Variants in NCOA2 observed in about 807,000 individuals in gnomAD.
NCOA2 encodes nuclear receptor coactivator 2.
In NCOA2, 21 loss-of-function variants were observed where a neutral mutation model predicts 145.1. The ratio of observed to expected loss-of-function variants is 0.14; its 90% CI spans 0.10 to 0.21. NCOA2 has a LOEUF of 0.21. Ranked by LOEUF, NCOA2 falls within the 10% of genes least tolerant of loss-of-function variation. The pLI, the probability that NCOA2 is intolerant of heterozygous loss-of-function variation, is 1.00. For missense variants in NCOA2, 1,472 were observed against 1,837.6 expected (o/e 0.80, Z 3.64); for synonymous variants, 619 against 637.5 (o/e 0.97, Z 0.44).
intron 2 of NCOA2, among the ~76,000 whole-genome samples, chr8:70,275,944 A>G (rs1825433839): frequency 6.6e-6 from 1 of 152,234 alleles, no homozygotes; most frequent in Admixed American, 6.5e-5. Context: ...AAAAATACTA[A>G]ACTTTGCAAA....
the NCOA2 span, among the ~76,000 whole-genome samples, chr8:70,441,454 A>C: frequency 6.6e-6 from 1 of 150,994 alleles, no homozygotes; most frequent in South Asian, 2.1e-4. Flanking sequence ...AGAAAAAAGA[A>C]AGAAAAGAAA....
chr8:70,203,004 C>T (rs1818053378), intron 4 of NCOA2, among the ~76,000 whole-genome samples: 1 of 152,058 alleles, frequency 6.6e-6, no homozygotes, highest in Non-Finnish European at 1.5e-5. Context: ...GTGGCTCATG[C>T]CTGTAATCCC....
At chr8:70,292,248 G>A (rs553066299) in intron 2 of NCOA2, among the ~76,000 whole-genome samples, 1 of 151,574 alleles carries the variant, frequency 6.6e-6, no homozygotes, top group East Asian at 2.0e-4. Flanking sequence ...CACCTCCTGG[G>A]TTCAAGCGAT....
chr8:70,230,292 G>T (rs1250836992), intron 2 of NCOA2, among the ~76,000 whole-genome samples: 1 of 152,182 alleles, frequency 6.6e-6, no homozygotes, highest in Non-Finnish European at 1.5e-5. Flanking sequence ...GAAACAGAAA[G>T]GAGATTGGTG....
Position 70,345,100 on chromosome 8 carries a change from T to TA in NCOA2, c.-76-48301dup, listed in dbSNP as rs545316352. 3.5e-4 allele frequency among the ~76,000 whole-genome samples: 53 copies of TA among 152,350 alleles called. No individual in the cohort carries two copies. The East Asian group carries it at 8.3e-3, about 24-fold the overall frequency. ...TGTATATTAACCACATCTGAAAAGT[T>TA]AAATTATCCTTCATACAACTCCAAA... is the stretch of plus-strand genomic sequence containing the variant. On this transcript the variant is annotated intron_variant, in intron 1 of 22. Transcript: ENST00000452400.
At chr8:70,269,039 G>T (rs931019212) in intron 2 of NCOA2, among the ~76,000 whole-genome samples, 1 of 152,030 alleles carries the variant, frequency 6.6e-6, no homozygotes, top group Admixed American at 6.5e-5. Context: ...AAAAGTGAAG[G>T]GGGGGAGGAC....
intron 2 of NCOA2, among the ~76,000 whole-genome samples, chr8:70,281,747 A>G (rs1825900366): frequency 6.6e-6 from 1 of 152,190 alleles, no homozygotes; most frequent in African/African-American, 2.4e-5. Context: ...AGAGCTGCTC[A>G]CAGTACCAGT....
At chr8:70,427,226 T>G in the NCOA2 span, among the ~76,000 whole-genome samples, 1 of 152,148 alleles carries the variant, frequency 6.6e-6, no homozygotes. Flanking sequence ...AATAATTTGG[T>G]TTTCAGGAGG....
chr8:70,244,259 T>C (rs1379135691), intron 2 of NCOA2, among the ~76,000 whole-genome samples: 1 of 152,136 alleles, frequency 6.6e-6, no homozygotes, highest in Non-Finnish European at 1.5e-5. Context: ...TCCGAATATA[T>C]GTTGTGTAAT....
intron 1 of NCOA2, among the ~76,000 whole-genome samples, chr8:70,364,392 T>C (rs1810487432): frequency 6.6e-6 from 1 of 152,168 alleles, no homozygotes; most frequent in African/African-American, 2.4e-5. Context: ...TAGTCAACTG[T>C]TTAATTTGAT....
At chr8:70,354,789 T>A (rs955562669) in intron 1 of NCOA2, among the ~76,000 whole-genome samples, 1 of 152,182 alleles carries the variant, frequency 6.6e-6, no homozygotes, top group East Asian at 1.9e-4. Flanking sequence ...ATAATAACAA[T>A]CTTGAAAAAA....
the NCOA2 span, among the ~76,000 whole-genome samples, chr8:70,440,465 T>C: frequency 6.6e-6 from 1 of 151,936 alleles, no homozygotes; most frequent in South Asian, 2.1e-4. Flanking sequence ...TCCCAGCTAC[T>C]CGGGAGGCTG....
chr8:70,317,511 A>G (rs1351176315), intron 1 of NCOA2, among the ~76,000 whole-genome samples: 2 of 152,216 alleles, frequency 1.3e-5, no homozygotes, highest in Admixed American at 6.5e-5. Context: ...ATAAAAAATG[A>G]GATCCTTAAT....
At position 70,334,582 on chromosome 8, in the gene NCOA2, T is replaced by C. The variant is rs553497849; in HGVS notation, c.-76-37782A>G. 2.6e-5 allele frequency among the ~76,000 whole-genome samples: 4 copies of C among 152,326 alleles called. No individual in the cohort carries two copies. The East Asian group carries it at 7.7e-4, about 29-fold the overall frequency. ...TTATACTGGTCCACGTTTCTTATCT[T>C]GCCTATTAGAGCATGAAATTCTAAG... On this transcript the variant is annotated intron_variant, in intron 1 of 22. Coordinates refer to ENST00000452400, the MANE Select transcript of NCOA2 (RefSeq NM_006540.4).
intron 1 of NCOA2, among the ~76,000 whole-genome samples, chr8:70,321,093 A>G (rs942956290): frequency 2.0e-5 from 3 of 152,126 alleles, no homozygotes; most frequent in Non-Finnish European, 2.9e-5. Context: ...CTGAGCTCCA[A>G]ATTAACTTTG....
chr8:70,331,466 CCT>C (rs1807088884), intron 1 of NCOA2, among the ~76,000 whole-genome samples: 2 of 152,044 alleles, frequency 1.3e-5, no homozygotes, highest in African/African-American at 4.8e-5. Flanking sequence ...CAGATTTTTT[CCT>C]TTTTACAGAT....
chr8:70,227,871 C>T (rs1820790931), intron 2 of NCOA2, among the ~76,000 whole-genome samples: 1 of 151,848 alleles, frequency 6.6e-6, no homozygotes, highest in African/African-American at 2.4e-5. Context: ...AAAAAATTAG[C>T]CGGGCATGAT....
intron 22 of NCOA2, 69 bp from the exon 23 acceptor site, chr8:70,113,712 C>A (rs2131145922): frequency 7.1e-7 from 1 of 1,410,914 alleles, no homozygotes; most frequent in East Asian, 2.5e-5. Context: ...TAAAGCCCAC[C>A]ACAAAAACAT....
chr8:70,280,503 T>A (rs898840360), intron 2 of NCOA2, among the ~76,000 whole-genome samples: 1 of 152,226 alleles, frequency 6.6e-6, no homozygotes, highest in African/African-American at 2.4e-5. Flanking sequence ...ATGTAAGATA[T>A]AGAAATACTG....
Sources: gnomAD v4.1 joint callset for allele counts (sites outside exome capture counted in the v4.1 genomes callset) on GRCh38, gnomAD v4.1.1 for gene constraint, MANE v1.5 for transcripts, NCBI Gene and HGNC (gene_info 2026-07-23, HGNC 2026-07-21) for gene names.